CNTLN: variants seen among roughly 807,000 people sequenced by gnomAD.
CNTLN encodes centlein.
Under a neutral mutation model 180.0 loss-of-function variants are expected in CNTLN, and 212 were observed. The observed-to-expected ratio is 1.18, with a 90% confidence interval of 1.05 to 1.32. The LOEUF (loss-of-function observed/expected upper bound fraction) is 1.32. Among genes scored for constraint, CNTLN ranks in the 40% most tolerant of loss-of-function variants. CNTLN has a pLI of 0.00. For missense variants in CNTLN, 2,095 were observed against 1,610.9 expected, an observed-to-expected ratio of 1.30 and a Z score of -5.14; for synonymous variants, 722 against 563.1, an observed-to-expected ratio of 1.28 and a Z score of -3.99.
At chr9:17,237,265 A>AT (rs200110806) in intron 5 of CNTLN, among the ~76,000 whole-genome samples, 13 of 127,398 alleles carry the variant, frequency 1.0e-4, no homozygotes, top group Non-Finnish European at 7.7e-5. Context: ...ATTAAATTAC[A>AT]TTTTTTTTTA....
At chr9:17,297,323 A>T (rs1030367231) in intron 6 of CNTLN, among the ~76,000 whole-genome samples, 1 of 152,230 alleles carries the variant, frequency 6.6e-6, no homozygotes, top group African/African-American at 2.4e-5. Flanking sequence ...GTAAATTTTC[A>T]TATTCAAAGT....
At chr9:17,426,891 G>T (rs1179910835) in intron 18 of CNTLN, among the ~76,000 whole-genome samples, 1 of 151,918 alleles carries the variant, frequency 6.6e-6, no homozygotes. Flanking sequence ...AATTTTCAGG[G>T]TAGTAAGATT....
intron 2 of CNTLN, among the ~76,000 whole-genome samples, chr9:17,183,320 T>C (rs1240698026): frequency 6.6e-6 from 1 of 152,186 alleles, no homozygotes; most frequent in African/African-American, 2.4e-5. Flanking sequence ...AGAATAATTC[T>C]CATTCTTTTA....
intron 8 of CNTLN, among the ~76,000 whole-genome samples, chr9:17,325,178 TC>T (rs1820182549): frequency 6.7e-6 from 1 of 149,886 alleles, no homozygotes; most frequent in East Asian, 2.0e-4. Context: ...ATATTCTTTT[TC>T]TTTTTCTTTT....
intron 2 of CNTLN, among the ~76,000 whole-genome samples, chr9:17,209,857 G>T (rs976741562): frequency 6.6e-6 from 1 of 152,050 alleles, no homozygotes; most frequent in African/African-American, 2.4e-5. Context: ...AGGCAATTTT[G>T]ATATTCACCT....
rs118072024 is a variant in CNTLN at position 17,249,869 on chromosome 9, A to G, written c.849+13281A>G. On this transcript the variant is annotated intron_variant, in intron 5 of 25. Transcript: ENST00000380647. ...TTATTCAGCTGTTTTGGGATAGAGT[A>G]TTTCGTATATGCCTTCTAGGTGTAT... 6.1e-3 allele frequency among the ~76,000 whole-genome samples: 893 copies of G among 147,460 alleles called. 8 individuals are homozygous for G. The highest frequency in any genetic ancestry group is 9.0e-3 in the Admixed American group (131 of 14,500).
At chr9:17,330,947 T>C (rs983936450) in intron 9 of CNTLN, 139 bp downstream of exon 9, 2 of 698,488 alleles carry the variant, frequency 2.9e-6, no homozygotes, top group Non-Finnish European at 4.6e-6. Flanking sequence ...TACCGAACTC[T>C]TGTTAAATAA....
intron 5 of CNTLN, among the ~76,000 whole-genome samples, chr9:17,249,977 T>C (rs908144939): frequency 6.6e-6 from 1 of 151,148 alleles, no homozygotes; most frequent in Non-Finnish European, 1.5e-5. Flanking sequence ...ATGTGGAATA[T>C]TGAATTTTCA....
intron 3 of CNTLN, among the ~76,000 whole-genome samples, chr9:17,233,842 T>A (rs182570496): frequency 2.0e-5 from 3 of 152,124 alleles, no homozygotes; most frequent in Admixed American, 2.0e-4. Context: ...TACAGCATAT[T>A]AAATAGGGAC....
At chr9:17,166,243 A>G (rs927338591) in intron 2 of CNTLN, among the ~76,000 whole-genome samples, 15 of 152,310 alleles carry the variant, frequency 9.8e-5, no homozygotes, top group African/African-American at 3.6e-4. Flanking sequence ...TTAAATAAAT[A>G]TAACAATAAA....
At chr9:17,340,677 T>G in intron 10 of CNTLN, 150 bp from the exon 11 acceptor site, 1 of 546,208 alleles carries the variant, frequency 1.8e-6, no homozygotes. Flanking sequence ...GAGAAATTCT[T>G]TTTTCTGCTT....
At chr9:17,146,977 G>A (rs551718857) in intron 2 of CNTLN, among the ~76,000 whole-genome samples, 18 of 151,896 alleles carry the variant, frequency 1.2e-4, no homozygotes, top group African/African-American at 3.1e-4. Context: ...AAATTTCCTT[G>A]TCTTTCTCTT....
chr9:17,212,165 C>T (rs1363295030), intron 2 of CNTLN, among the ~76,000 whole-genome samples: 8 of 152,108 alleles, frequency 5.3e-5, no homozygotes, highest in African/African-American at 1.9e-4. Flanking sequence ...AGTTTTTGCC[C>T]ATTCAGTATG....
intron 5 of CNTLN, 26 bp downstream of exon 5, chr9:17,236,614 C>G: frequency 6.4e-7 from 1 of 1,554,476 alleles, no homozygotes; most frequent in Non-Finnish European, 8.7e-7. Context: ...GGAATCCATA[C>G]TCCTCTTTTG....
intron 18 of CNTLN, among the ~76,000 whole-genome samples, chr9:17,453,555 C>T (rs1830925707): frequency 6.6e-6 from 1 of 152,012 alleles, no homozygotes; most frequent in Admixed American, 6.6e-5. Context: ...AACAAATTAC[C>T]ACAAATTTAG....
At chr9:17,281,976 T>G (rs533574193) in intron 6 of CNTLN, among the ~76,000 whole-genome samples, 4 of 152,212 alleles carry the variant, frequency 2.6e-5, no homozygotes, top group East Asian at 3.9e-4. Context: ...TTTTTTTGTT[T>G]GTTTTGAGAC....
chr9:17,180,158 T>G (rs957165910), intron 2 of CNTLN, among the ~76,000 whole-genome samples: 1 of 151,074 alleles, frequency 6.6e-6, no homozygotes, highest in Non-Finnish European at 1.5e-5. Context: ...TTATTTACAT[T>G]CAGCTTGATT....
At chr9:17,505,185 A>T (rs1833910176), downstream of CNTLN, among the ~76,000 whole-genome samples, 1 of 152,130 alleles carries the variant, frequency 6.6e-6, no homozygotes, top group African/African-American at 2.4e-5. Context: ...TCTCAATTTG[A>T]TAAGACCATC....
chr9:17,456,324 AT>A (rs1831111297), intron 18 of CNTLN, among the ~76,000 whole-genome samples: 1 of 152,158 alleles, frequency 6.6e-6, no homozygotes, highest in Non-Finnish European at 1.5e-5. Context: ...TTTCCTAAAA[AT>A]CTATAGAACC....
Sources: gnomAD v4.1 joint callset for allele counts (sites outside exome capture counted in the v4.1 genomes callset) on GRCh38, gnomAD v4.1.1 for gene constraint, MANE v1.5 for transcripts, NCBI Gene and HGNC (gene_info 2026-07-23, HGNC 2026-07-21) for gene names.